Variants in CD6 observed in about 807,000 individuals in gnomAD.
CD6 encodes T-cell differentiation antigen CD6.
CD6 carries 53 observed loss-of-function variants against 75.3 expected under a neutral mutation model. The observed-to-expected ratio is 0.70, with a 90% confidence interval of 0.56 to 0.88. The LOEUF is 0.88. Ranked by LOEUF, CD6 falls within the 40% of genes least tolerant of loss-of-function variation. The probability of loss-of-function intolerance (pLI) is 0.00; values close to 1 mark genes in which losing one functional copy is unlikely to be tolerated. For synonymous variants in CD6, 359 were observed against 381.5 expected, an observed-to-expected ratio of 0.94 and a Z score of 0.69; for missense variants, 770 against 897.1, an observed-to-expected ratio of 0.86 and a Z score of 1.81.
rs759709693 is a variant in CD6 at position 61,015,693 on chromosome 11, C to T, written c.1388-20C>T. On this transcript the variant is annotated intron_variant, in intron 8 of 12. Coordinates refer to ENST00000313421, the MANE Select transcript of CD6 (RefSeq NM_006725.5). ...TCCGCCCACCACTTTGCCATGCCCT[C>T]GACTCTGTTCTCTCCCCAGTTTTCA... 2.5e-6 allele frequency: 4 copies of T among 1,613,892 alleles called. No homozygotes were observed. The highest frequency in any genetic ancestry group is 1.1e-5 in the South Asian group (1 of 91,048).
chr11:61,017,302 G>A (rs1859445915), intron 9 of CD6, 177 bp from the exon 10 acceptor site: 3 of 614,608 alleles, frequency 4.9e-6, no homozygotes. Flanking sequence ...CGAAGGCTCT[G>A]CTGGATTGGG....
intron 1 of CD6, among the ~76,000 whole-genome samples, chr11:60,987,675 T>G (rs932439400): frequency 1.3e-5 from 2 of 151,936 alleles, no homozygotes; most frequent in Admixed American, 6.6e-5. Context: ...AGATGCAAGT[T>G]AGATATCTCA....
chr11:61,017,933 AG>A lies in CD6; in HGVS notation c.1759del (p.Val587CysfsTer194). On this transcript the variant is annotated frameshift_variant, in exon 11 of 13. Coordinates refer to ENST00000313421, the MANE Select transcript of CD6 (RefSeq NM_006725.5). LOFTEE classifies it high-confidence loss of function. Reference protein sequence around the residue: ...PKSKLPPWNPQVFSSERSSFL... With the variant: ...PKSKLPPWNPXVFSSERSSFL... ...AGCAAGCTGCCTCCATGGAACCCCC[AG>A]GTGTTTTCTTCAGAGAGGAGTTCCT... The A allele has an allele frequency of 6.2e-7, 1 of 1,613,880 alleles. No individual in the cohort carries two copies. Among genetic ancestry groups the A allele is most frequent in the Non-Finnish European group, 8.5e-7 (1 of 1,179,990 alleles).
chr11:60,979,825 C>T (rs1030925526), intron 1 of CD6, among the ~76,000 whole-genome samples: 1 of 152,150 alleles, frequency 6.6e-6, no homozygotes, highest in Non-Finnish European at 1.5e-5. Context: ...AGGCCCTGTG[C>T]TGGCACTGCC....
At chr11:60,980,755 G>A (rs928201130) in intron 1 of CD6, among the ~76,000 whole-genome samples, 3 of 151,992 alleles carry the variant, frequency 2.0e-5, no homozygotes, top group Admixed American at 6.5e-5. Context: ...GAAGAGAATC[G>A]CTTGAAACCG....
intron 1 of CD6, among the ~76,000 whole-genome samples, chr11:60,999,720 G>C (rs374547866): frequency 8.1e-4 from 123 of 151,616 alleles, no homozygotes; most frequent in African/African-American, 2.9e-3. Flanking sequence ...TTTTTTGGTG[G>C]GTTTTTATTT....
chr11:60,988,160 T>A (rs1001510702), intron 1 of CD6: 2 of 152,264 alleles, frequency 1.3e-5, no homozygotes, highest in African/African-American at 4.8e-5. Flanking sequence ...CATTTCATGC[T>A]GCGGAGCCTC....
intron 1 of CD6, among the ~76,000 whole-genome samples, chr11:60,991,473 A>G (rs914806963): frequency 6.6e-6 from 1 of 151,884 alleles, no homozygotes; most frequent in African/African-American, 2.4e-5. Context: ...TTTTCTCTGC[A>G]CAATATCCAT....
intron 12 of CD6, 137 bp from the exon 13 acceptor site, chr11:61,019,117 G>A (rs563756815): frequency 1.4e-5 from 9 of 631,208 alleles, no homozygotes; most frequent in Middle Eastern, 2.5e-4. Context: ...GGACATGGCC[G>A]GAAGCAAGAT....
At chr11:60,992,386 G>A (rs1164261611) in intron 1 of CD6, among the ~76,000 whole-genome samples, 1 of 151,808 alleles carries the variant, frequency 6.6e-6, no homozygotes, top group Admixed American at 6.6e-5. Context: ...GGCATGTGAA[G>A]AGATTCGCCC....
At chr11:61,004,082 A>T (rs1324338493) in intron 1 of CD6, among the ~76,000 whole-genome samples, 11 of 152,072 alleles carry the variant, frequency 7.2e-5, no homozygotes. Context: ...GATCTAGGAG[A>T]ACACATTTTT....
chr11:60,992,110 G>A (rs1057425489), intron 1 of CD6, among the ~76,000 whole-genome samples: 4 of 151,968 alleles, frequency 2.6e-5, no homozygotes, highest in Admixed American at 1.3e-4. Context: ...AAATTCCTGC[G>A]CTCAAGCAAT....
chr11:61,011,472 A>AG (rs1565159320), intron 6 of CD6, among the ~76,000 whole-genome samples: 2 of 152,116 alleles, frequency 1.3e-5, no homozygotes, highest in Admixed American at 6.5e-5. Flanking sequence ...TCGGGGCAGC[A>AG]GGGGGAGGGT....
chr11:61,002,833 C>A (rs1463014500), intron 1 of CD6, among the ~76,000 whole-genome samples: 10 of 152,192 alleles, frequency 6.6e-5, no homozygotes, highest in African/African-American at 2.2e-4. Context: ...GCACGAGAGA[C>A]AGAGCGAGGG....
chr11:61,008,926 C>T (rs1859013842), intron 4 of CD6, 81 bp downstream of exon 4: 1 of 1,237,202 alleles, frequency 8.1e-7, no homozygotes, highest in African/African-American at 1.5e-5. Context: ...GGAGTTAGTG[C>T]CGGAGAGGTG....
chr11:60,974,462 G>T (rs1414297461), intron 1 of CD6, among the ~76,000 whole-genome samples: 1 of 152,204 alleles, frequency 6.6e-6, no homozygotes, highest in Non-Finnish European at 1.5e-5. Context: ...GGCCAGGATG[G>T]TCTCAATCTC....
intron 1 of CD6, among the ~76,000 whole-genome samples, chr11:60,984,282 A>T (rs148557342): frequency 1.3e-5 from 2 of 152,260 alleles, no homozygotes; most frequent in East Asian, 3.9e-4. Flanking sequence ...TAATTCCACC[A>T]TTCCTTCTTC....
At chr11:60,983,772 C>A (rs1014925847) in intron 1 of CD6, among the ~76,000 whole-genome samples, 3 of 152,132 alleles carry the variant, frequency 2.0e-5, no homozygotes, top group African/African-American at 7.2e-5. Context: ...ATAATATCTT[C>A]TAAGACAAAA....
chr11:60,973,372 A>G (rs963563295), intron 1 of CD6, among the ~76,000 whole-genome samples: 2 of 152,174 alleles, frequency 1.3e-5, no homozygotes, highest in Non-Finnish European at 2.9e-5. Context: ...CCTTCGATTC[A>G]GTCTGTCCCA....
Sources: gnomAD v4.1 joint callset for allele counts (sites outside exome capture counted in the v4.1 genomes callset) on GRCh38, gnomAD v4.1.1 for gene constraint, MANE v1.5 for transcripts, NCBI Gene and HGNC (gene_info 2026-07-23, HGNC 2026-07-21) for gene names.